Variants in GABRA5 observed in about 807,000 individuals in gnomAD.
GABRA5 encodes the protein gamma-aminobutyric acid type A receptor subunit alpha5.
Under a neutral mutation model 47.3 loss-of-function variants are expected in GABRA5, and 18 were observed. That is an observed-to-expected ratio of 0.38 (90% CI 0.26 to 0.56). GABRA5 has a LOEUF of 0.56. Ranked by LOEUF, GABRA5 falls within the 20% of genes least tolerant of loss-of-function variation. The pLI is 0.71. For missense variants in GABRA5, 365 were observed against 599.3 expected (o/e 0.61, Z 4.08); for synonymous variants, 237 against 229.3 (o/e 1.03, Z -0.30).
At chr15:26,912,252 T>C (rs1258426383) in intron 6 of GABRA5, among the ~76,000 whole-genome samples, 1 of 152,242 alleles carries the variant, frequency 6.6e-6, no homozygotes, top group Non-Finnish European at 1.5e-5. Flanking sequence ...TCCTATTTCC[T>C]GACTAAAGTC....
In GABRA5 at chr15:26,883,248, A is replaced by G. The variant is rs567752486; in HGVS notation, c.276+15A>G. The G allele has an allele frequency of 3.7e-6, 6 of 1,613,588 alleles. No homozygotes were observed. Among genetic ancestry groups the G allele is most frequent in the Non-Finnish European group, 2.5e-6 (3 of 1,179,568 alleles). On this transcript the variant is annotated intron_variant, in intron 5 of 10. Coordinates refer to ENST00000335625, the MANE Select transcript of GABRA5 (RefSeq NM_000810.4). This position sits in a 1 kb window ranked among gnomAD's most constrained non-coding sequence, Gnocchi z 4.8. ...ACACGGAAATGGTAGGTCCCGGGGC[A>G]TGGCTGGGCAGACAATTCTTACTCC...
rs566123129 is a variant in GABRA5, at chr15:26,933,408, A to G, written c.581-3777A>G. On this transcript the variant is annotated intron_variant, in intron 7 of 10. Coordinates refer to ENST00000335625, the MANE Select transcript of GABRA5 (RefSeq NM_000810.4). ...CATTGAAGGTAAAAAAGCCAATTGG[A>G]GTATGAGGGAGGGGTAAGCAATTGT... 5.9e-5 allele frequency among the ~76,000 whole-genome samples: 9 copies of G among 152,290 alleles called. No individual in the cohort carries two copies. The East Asian group carries it at 1.5e-3, about 26-fold the overall frequency.
At chr15:26,906,645 T>C (rs1893451019) in intron 6 of GABRA5, among the ~76,000 whole-genome samples, 1 of 152,210 alleles carries the variant, frequency 6.6e-6, no homozygotes, top group Non-Finnish European at 1.5e-5. Flanking sequence ...TTGAATTTTA[T>C]TGTGAGAAAG....
In GABRA5 at chr15:26,883,580, C is replaced by A; in HGVS notation, c.497+23C>A. The A allele has an allele frequency of 3.8e-6, 2 of 529,064 alleles. No individual in the cohort carries two copies. Among genetic ancestry groups the A allele is most frequent in the Non-Finnish European group, 6.7e-6 (2 of 297,416 alleles). The allele number at this position is 529,064 out of a possible 1,614,324, so 32.8% of individuals were successfully genotyped here. A position where few individuals can be genotyped will look rare whatever the true frequency, so the allele number is the denominator to read the frequency against. Reference sequence around the variant, plus strand: ...GCGGTGAGCGCCGGGCGGGGGCGGGCGGGGCCGGGGGACGGTGCGGGGCAG... The same window carrying A: ...GCGGTGAGCGCCGGGCGGGGGCGGGAGGGGCCGGGGGACGGTGCGGGGCAG... On this transcript the variant is annotated intron_variant, in intron 6 of 10. Transcript: ENST00000335625. This position sits in a 1 kb window ranked among gnomAD's most constrained non-coding sequence, Gnocchi z 4.8.
chr15:26,920,036 T>C (rs1031850865), intron 7 of GABRA5, among the ~76,000 whole-genome samples: 3 of 152,160 alleles, frequency 2.0e-5, no homozygotes, highest in African/African-American at 7.2e-5. Flanking sequence ...AAATTCTTTC[T>C]TTGACTTTTG....
intron 7 of GABRA5, among the ~76,000 whole-genome samples, chr15:26,926,340 A>T (rs185676281): frequency 6.6e-6 from 1 of 152,318 alleles, no homozygotes; most frequent in East Asian, 1.9e-4. Flanking sequence ...TTCATTTTAT[A>T]TTACTTCCAT....
intron 6 of GABRA5, among the ~76,000 whole-genome samples, chr15:26,885,833 G>A (rs962424296): frequency 2.6e-5 from 4 of 152,182 alleles, no homozygotes; most frequent in Non-Finnish European, 4.4e-5. Flanking sequence ...AGGGGTTCAC[G>A]TAGGGCTGGG....
intron 6 of GABRA5, among the ~76,000 whole-genome samples, chr15:26,893,433 G>GTATGTA (rs1566870579): frequency 1.5e-3 from 225 of 150,284 alleles, no homozygotes; most frequent in Middle Eastern, 3.5e-3. Context: ...TATGGTGTGT[G>GTATGTA]GCGTGTGTGT....
chr15:26,935,436 A>G (rs937248990), intron 7 of GABRA5, among the ~76,000 whole-genome samples: 1 of 152,196 alleles, frequency 6.6e-6, no homozygotes, highest in Non-Finnish European at 1.5e-5. Context: ...CTAACCATGG[A>G]GAAAGCGGCT....
chr15:26,946,298 T>G (rs757894351), intron 10 of GABRA5, among the ~76,000 whole-genome samples: 1 of 152,228 alleles, frequency 6.6e-6, no homozygotes, highest in Non-Finnish European at 1.5e-5. Context: ...GTGCACATTT[T>G]TAAACATACA....
At chr15:26,881,093 A>T in intron 4 of GABRA5, 126 bp downstream of exon 4, 2 of 1,032,470 alleles carry the variant, frequency 1.9e-6, no homozygotes, top group Non-Finnish European at 2.7e-6. Flanking sequence ...TTTTGGTATG[A>T]TGGCTGTTCC....
At chr15:26,880,991 G>T in intron 4 of GABRA5, 24 bp downstream of exon 4, 1 of 1,610,968 alleles carries the variant, frequency 6.2e-7, no homozygotes, top group Non-Finnish European at 8.5e-7. Context: ...CCTCAGCTGA[G>T]CCCAGCAAGG....
intron 6 of GABRA5, among the ~76,000 whole-genome samples, chr15:26,885,182 C>G (rs1026697524): frequency 6.6e-6 from 1 of 151,966 alleles, no homozygotes; most frequent in African/African-American, 2.4e-5. Flanking sequence ...GCCTGCAGTC[C>G]CAGCTACTTG....
chr15:26,946,330 G>A (rs576523590), intron 10 of GABRA5, among the ~76,000 whole-genome samples: 67 of 152,044 alleles, frequency 4.4e-4, no homozygotes, highest in South Asian at 4.4e-3. Flanking sequence ...AGAGGTTTAC[G>A]GTGAAAACCT....
chr15:26,905,169 G>T (rs937558247), intron 6 of GABRA5, among the ~76,000 whole-genome samples: 1 of 152,026 alleles, frequency 6.6e-6, no homozygotes, highest in Non-Finnish European at 1.5e-5. Context: ...AACATGAAGG[G>T]TACATTAATT....
rs578210791 is a variant in GABRA5 at position 26,908,158 on chromosome 15, A to G, written c.498-6645A>G. Among the ~76,000 whole-genome samples, 173 of 152,228 alleles carry G rather than the reference A, an allele frequency of 1.1e-3. 1 individual carries two copies. The highest frequency in any genetic ancestry group is 4.1e-3 in the African/African-American group (170 of 41,522). On this transcript the variant is annotated intron_variant, in intron 6 of 10. Coordinates refer to ENST00000335625, the MANE Select transcript of GABRA5 (RefSeq NM_000810.4). ...TATGTATTTCAGTTCTTTTTAATTG[A>G]ATATTTGGATCAGTATATCTTCATT... is the stretch of plus-strand genomic sequence containing the variant.
Position 26,948,071 on chromosome 15 carries a change from A to AGAG in GABRA5, c.1228_1230dup (p.Glu410dup), listed in dbSNP as rs1307489950. The stretch of plus-strand genomic sequence containing the variant: ...CCTCAGTCTCAGTAAAACCCTCTGA[A>AGAG]GAGAAGACTTCTGAAAGCAAAAAGA... On this transcript the variant is annotated inframe_insertion, in exon 11 of 11. Coordinates refer to ENST00000335625, the MANE Select transcript of GABRA5 (RefSeq NM_000810.4). 1 of 1,610,696 alleles carries AGAG rather than the reference A, an allele frequency of 6.2e-7. No individual in the cohort carries two copies. The highest frequency in any genetic ancestry group is 8.5e-7 in the Non-Finnish European group (1 of 1,178,348).
At chr15:26,924,714 T>G in intron 7 of GABRA5, among the ~76,000 whole-genome samples, 1 of 152,300 alleles carries the variant, frequency 6.6e-6, no homozygotes, top group Non-Finnish European at 1.5e-5. Context: ...GCCACGTTTT[T>G]TGGGGGGATG....
rs182857562 is a variant in GABRA5, at chr15:26,891,075, A to G, written c.497+7518A>G. On this transcript the variant is annotated intron_variant, in intron 6 of 10. Transcript: ENST00000335625. Reference sequence around the variant, plus strand: ...GCATATTTGGTTTGAAAACGTGACCAGACATATTCTGGGCCTGTTGAGAAG... The same window carrying G: ...GCATATTTGGTTTGAAAACGTGACCGGACATATTCTGGGCCTGTTGAGAAG... 4.3e-3 allele frequency among the ~76,000 whole-genome samples: 658 copies of G among 152,350 alleles called. 4 individuals carry two copies. Among genetic ancestry groups the G allele is most frequent in the Non-Finnish European group, 6.9e-3 (470 of 68,036 alleles).
Sources: gnomAD v4.1 joint callset for allele counts (sites outside exome capture counted in the v4.1 genomes callset) on GRCh38, gnomAD v4.1.1 for gene constraint, Gnocchi (gnomAD v3.1) non-coding constraint, MANE v1.5 for transcripts, NCBI Gene and HGNC (gene_info 2026-07-23, HGNC 2026-07-21) for gene names.